ABCA10: variants seen among roughly 807,000 people sequenced by gnomAD.
ABCA10 encodes the protein ATP-binding cassette sub-family A member 10.
A neutral mutation model predicts 187.5 loss-of-function variants in ABCA10; 169 were observed. The ratio of observed to expected loss-of-function variants is 0.90; its 90% CI spans 0.80 to 1.02. ABCA10 has a LOEUF of 1.02. ABCA10 is among the 50% of genes least tolerant of loss of function. The probability of loss-of-function intolerance (pLI) is 0.00; values close to 1 mark genes in which losing one functional copy is unlikely to be tolerated. For missense variants in ABCA10, 1,727 were observed against 1,812.4 expected (o/e 0.95, Z 0.86); for synonymous variants, 574 against 601.8 (o/e 0.95, Z 0.68).
intron 1 of ABCA10, chr17:69,234,692 A>C (rs2144863519): frequency 6.6e-6 from 1 of 152,248 alleles, no homozygotes; most frequent in African/African-American, 2.4e-5. Flanking sequence ...ACCTTCTATT[A>C]TGTCATCTTG....
intron 27 of ABCA10, among the ~76,000 whole-genome samples, chr17:69,159,845 C>T (rs2074201161): frequency 6.6e-6 from 1 of 152,066 alleles, no homozygotes; most frequent in Admixed American, 6.6e-5. Flanking sequence ...AATAAACCCT[C>T]CCATATATGC....
chr17:69,200,551 C>T (rs143961132), intron 10 of ABCA10, among the ~76,000 whole-genome samples: 2 of 152,294 alleles, frequency 1.3e-5, no homozygotes, highest in South Asian at 2.1e-4. Context: ...TTACTGATGG[C>T]TCTCCCTGCT....
chr17:69,151,425 T>C (rs1360867651), intron 36 of ABCA10, among the ~76,000 whole-genome samples: 4 of 152,102 alleles, frequency 2.6e-5, no homozygotes, highest in Non-Finnish European at 5.9e-5. Context: ...ATAATACGTA[T>C]TCAATAAATA....
intron 1 of ABCA10, among the ~76,000 whole-genome samples, chr17:69,240,365 G>GTTGAAAAGTGTGACCCGT (rs2074896542): frequency 6.6e-6 from 1 of 152,196 alleles, no homozygotes; most frequent in African/African-American, 2.4e-5. Flanking sequence ...GCCCTAGGGA[G>GTTGAAAAGTGTGACCCGT]TTGAAAAGTG....
At chr17:69,188,863 G>A (rs550935147) in intron 18 of ABCA10, among the ~76,000 whole-genome samples, 1 of 152,166 alleles carries the variant, frequency 6.6e-6, no homozygotes, top group Non-Finnish European at 1.5e-5. Flanking sequence ...CAAAGGACAT[G>A]ATCTCATTCT....
chr17:69,218,726 C>T (rs1356545257), intron 6 of ABCA10, among the ~76,000 whole-genome samples: 3 of 151,998 alleles, frequency 2.0e-5, no homozygotes, highest in East Asian at 1.9e-4. Context: ...TAACAAACAC[C>T]GAACACTGTT....
At position 69,156,923 on chromosome 17, in the gene ABCA10, G is replaced by A; in HGVS notation, c.3364C>T (p.Pro1122Ser). The change falls in exon 28 of 39, where the codon CCA becomes TCA. Residue 1122 changes from proline to serine, a missense_variant and splice_region_variant. By Grantham distance (74) the Pro-to-Ser change is moderately conservative. Transcript: ENST00000690296. ...NKTILLTTLI[P>S]YLQSVIFLFV... The stretch of plus-strand genomic sequence containing the variant: ...AGGAAAATAACACTCTGAAGGTATG[G>A]CTAAAAGAAAAGAAAAATAATCAGA... 6.4e-7 allele frequency: 1 copy of A among 1,551,166 alleles called. No homozygotes were observed. The highest frequency in any genetic ancestry group is 8.7e-7 in the Non-Finnish European group (1 of 1,144,032).
At chr17:69,210,847 C>CATATATATATATATATATATAT (rs57227408) in intron 9 of ABCA10, among the ~76,000 whole-genome samples, 519 of 37,676 alleles carry the variant, frequency 0.014, 10 homozygotes, top group Middle Eastern at 0.045. Context: ...ATTTATGCCA[C>CATATATATATATATATATATAT]ATATATATAT....
At chr17:69,180,684 T>C (rs2074373155) in intron 22 of ABCA10, among the ~76,000 whole-genome samples, 1 of 152,194 alleles carries the variant, frequency 6.6e-6, no homozygotes, top group South Asian at 2.1e-4. Flanking sequence ...TGGTAGCACA[T>C]TGCTATTACC....
Position 69,216,228 on chromosome 17 carries a change from C to T in ABCA10, c.661G>A (p.Gly221Ser). The T allele has an allele frequency of 6.2e-7, 1 of 1,607,836 alleles. No homozygotes were observed. The highest frequency in any genetic ancestry group is 1.1e-5 in the South Asian group (1 of 89,584). The change falls in exon 7 of 39, where the codon GGC (glycine) becomes AGC (serine). Residue 221 changes from glycine to serine, a missense_variant. Physicochemically the swap from Gly to Ser is moderately conservative, Grantham distance 56. Transcript: ENST00000690296. ...TTTTACCAACTCACCAAAGAAAGGCCATATAAGCTATAGAGTGTGAATATC... is the reference window on the plus strand; with the variant it reads ...TTTTACCAACTCACCAAAGAAAGGCTATATAAGCTATAGAGTGTGAATATC... ...MVIFTLYSLY[G>S]LSLIALAFLM...
chr17:69,185,002 C>G (rs28421714), intron 20 of ABCA10, among the ~76,000 whole-genome samples: 1 of 151,286 alleles, frequency 6.6e-6, no homozygotes, highest in Non-Finnish European at 1.5e-5. Context: ...TTTGTAGCAA[C>G]CTGGATGGAG....
In ABCA10 at chr17:69,194,502, T is replaced by G; in HGVS notation, c.1235-7A>C. ...TATATGTCAAAAAATATGCCTGTTT[T>G]AGAATAAAAAGTGGAAATTAGATTT... On this transcript the variant is annotated splice_polypyrimidine_tract_variant and splice_region_variant and intron_variant, in intron 11 of 38. Coordinates refer to ENST00000690296, the MANE Select transcript of ABCA10 (RefSeq NM_001377321.1). 1 of 1,589,476 alleles carries G rather than the reference T, an allele frequency of 6.3e-7. No homozygotes were observed. The highest frequency in any genetic ancestry group is 8.6e-7 in the Non-Finnish European group (1 of 1,166,264).
At chr17:69,167,840 T>G (rs1440544402) in intron 25 of ABCA10, among the ~76,000 whole-genome samples, 1 of 152,130 alleles carries the variant, frequency 6.6e-6, no homozygotes. Flanking sequence ...TGGAGATATT[T>G]TTGGAGAAAT....
chr17:69,171,830 T>A (rs1274881389), intron 25 of ABCA10, among the ~76,000 whole-genome samples: 1 of 151,650 alleles, frequency 6.6e-6, no homozygotes, highest in Non-Finnish European at 1.5e-5. Context: ...AGCAGCTAAA[T>A]TATGTTTTAA....
intron 10 of ABCA10, among the ~76,000 whole-genome samples, chr17:69,200,128 A>C (rs2074533182): frequency 6.6e-6 from 1 of 152,210 alleles, no homozygotes; most frequent in Middle Eastern, 3.2e-3. Flanking sequence ...CTGTTTCAAA[A>C]TAACGTGAAC....
chr17:69,175,393 C>G lies in ABCA10; in HGVS notation c.2877+13G>C. On this transcript the variant is annotated intron_variant, in intron 23 of 38. Coordinates refer to ENST00000690296, the MANE Select transcript of ABCA10 (RefSeq NM_001377321.1). ...AATCAATCTCAATCTAATTTCCTCT[C>G]TCTCCCTCTTACTTTATAATCGCTG... is the stretch of plus-strand genomic sequence containing the variant. 1 of 1,595,930 alleles carries G rather than the reference C, an allele frequency of 6.3e-7. No individual in the cohort carries two copies. The highest frequency in any genetic ancestry group is 8.5e-7 in the Non-Finnish European group (1 of 1,169,922).
Position 69,182,836 on chromosome 17 carries a change from A to G in ABCA10, c.2498-28T>C, listed in dbSNP as rs537504109. The G allele has an allele frequency of 0.021, 997 of 47,000 alleles. 11 individuals carry two copies. The African/African-American group carries it at 0.26, about 12-fold the overall frequency. 2.9% of individuals were successfully genotyped at this position (47,000 alleles called of 1,614,324 possible). Reference sequence around the variant, plus strand: ...AACATAGTGGAAGGAAGGCAACAAGAAAAAAAAAAAAAAAGCAAGAAAATC... The same window carrying G: ...AACATAGTGGAAGGAAGGCAACAAGGAAAAAAAAAAAAAAGCAAGAAAATC... On this transcript the variant is annotated intron_variant, in intron 20 of 38. Coordinates refer to ENST00000690296, the MANE Select transcript of ABCA10 (RefSeq NM_001377321.1).
upstream of ABCA10, chr17:69,233,145 A>G (rs183654007): frequency 1.1e-4 from 17 of 152,106 alleles, no homozygotes; most frequent in African/African-American, 3.9e-4. Context: ...TCTTTGAATA[A>G]CCTTCACACT....
intron 34 of ABCA10, 142 bp downstream of exon 34, chr17:69,153,163 G>A: frequency 1.0e-6 from 1 of 963,276 alleles, no homozygotes; most frequent in Admixed American, 3.3e-5. Context: ...TGCTATATTA[G>A]GTTTCACTGA....
Sources: allele counts gnomAD v4.1 joint callset (sites outside exome capture counted in the v4.1 genomes callset), GRCh38; gene constraint gnomAD v4.1.1; transcripts MANE v1.5; gene names NCBI Gene and HGNC (gene_info 2026-07-23, HGNC 2026-07-21).